TENM2: variants seen among roughly 807,000 people sequenced by gnomAD.
TENM2 encodes teneurin transmembrane protein 2.
Under a neutral mutation model 245.2 loss-of-function variants are expected in TENM2, and 52 were observed. The ratio of observed to expected loss-of-function variants is 0.21; its 90% CI spans 0.17 to 0.27. The LOEUF (loss-of-function observed/expected upper bound fraction) is 0.27, where lower values mean the gene tolerates loss of function less well. TENM2 is among the 10% of genes least tolerant of loss of function. The pLI is 1.00. For missense variants in TENM2, 3,046 were observed against 3,666.8 expected (o/e 0.83, Z 4.37); for synonymous variants, 1,363 against 1,438.9 (o/e 0.95, Z 1.19).
At chr5:167,132,335 A>G in the TENM2 span, among the ~76,000 whole-genome samples, 2 of 152,122 alleles carry the variant, frequency 1.3e-5, no homozygotes, top group Admixed American at 6.5e-5. Context: ...CTCCATCACC[A>G]TGCAACATTT....
chr5:168,134,817 G>A (rs990890390), intron 12 of TENM2, among the ~76,000 whole-genome samples: 7 of 152,206 alleles, frequency 4.6e-5, no homozygotes, highest in Non-Finnish European at 1.0e-4. Flanking sequence ...AACAAAGGTT[G>A]TTCAGCAACC....
chr5:167,265,265 G>C, the TENM2 span, among the ~76,000 whole-genome samples: 6 of 147,170 alleles, frequency 4.1e-5, no homozygotes, highest in East Asian at 1.2e-3. Context: ...CCAGGAGGTG[G>C]AGGTTTCAGT....
intron 2 of TENM2, among the ~76,000 whole-genome samples, chr5:167,425,758 C>A (rs74430436): frequency 0.017 from 2,638 of 152,058 alleles, 63 homozygotes; most frequent in African/African-American, 0.057. Flanking sequence ...GCTGCTGCTG[C>A]TGCTGATGAT....
chr5:167,523,568 G>A (rs1404305311), intron 2 of TENM2, among the ~76,000 whole-genome samples: 1 of 152,042 alleles, frequency 6.6e-6, no homozygotes, highest in Non-Finnish European at 1.5e-5. Context: ...GATATTTGGT[G>A]TTCGCTCATT....
At chr5:167,816,823 C>A (rs1393270653) in intron 2 of TENM2, among the ~76,000 whole-genome samples, 1 of 143,954 alleles carries the variant, frequency 6.9e-6, no homozygotes, top group Non-Finnish European at 1.6e-5. Context: ...CAGAATGACC[C>A]GGGTGAAGTA....
At chr5:167,485,988 G>A (rs547707380) in intron 2 of TENM2, among the ~76,000 whole-genome samples, 34 of 151,928 alleles carry the variant, frequency 2.2e-4, no homozygotes, top group Admixed American at 1.3e-3. Context: ...CCACATGTTC[G>A]TATTAGAACT....
chr5:167,112,503 A>G, the TENM2 span, among the ~76,000 whole-genome samples: 1 of 152,212 alleles, frequency 6.6e-6, no homozygotes, highest in Non-Finnish European at 1.5e-5. Flanking sequence ...AATTGTCTTG[A>G]GAATAAGTTG....
rs1763901989 is a variant in TENM2, at chr5:167,427,470, G to C, written c.502+51997G>C. 2.0e-5 allele frequency among the ~76,000 whole-genome samples: 3 copies of C among 150,448 alleles called. No homozygotes were observed. In the South Asian group the frequency reaches 6.4e-4, roughly 32 times the overall value. On this transcript the variant is annotated intron_variant, in intron 2 of 28. Coordinates refer to ENST00000518659, the Ensembl canonical transcript of TENM2. ...CATCTCAGGAAAAAAAGAAAGGAAG[G>C]AAGGGAAGGAAGGGAAGCAAGGGGA...
chr5:167,741,181 G>A (rs977816500), intron 2 of TENM2, among the ~76,000 whole-genome samples: 1 of 152,124 alleles, frequency 6.6e-6, no homozygotes, highest in Non-Finnish European at 1.5e-5. Flanking sequence ...TTTCCACTGT[G>A]AAATTCTTTC....
At chr5:167,316,938 A>C (rs773658041) in intron 1 of TENM2, among the ~76,000 whole-genome samples, 14 of 152,204 alleles carry the variant, frequency 9.2e-5, no homozygotes, top group Non-Finnish European at 1.9e-4. Context: ...AAGAGCACAC[A>C]GTCAACAATG....
chr5:168,149,372 T>A (rs1363634161), intron 12 of TENM2: 1 of 456,908 alleles, frequency 2.2e-6, no homozygotes, highest in Non-Finnish European at 4.4e-6. Context: ...TTCAGCAACC[T>A]CATCTGCCTG....
At chr5:167,774,214 GAGGAAGGAAGGA>G (rs200752272) in intron 2 of TENM2, among the ~76,000 whole-genome samples, 2 of 111,326 alleles carry the variant, frequency 1.8e-5, no homozygotes, top group Non-Finnish European at 3.4e-5. Context: ...GGGAGGGAGG[GAGGAAGGAAGGA>G]AGGAAGGAAG....
intron 2 of TENM2, among the ~76,000 whole-genome samples, chr5:167,824,463 T>A (rs1767795228): frequency 6.6e-6 from 1 of 152,056 alleles, no homozygotes; most frequent in Non-Finnish European, 1.5e-5. Context: ...ACAAGCTTCA[T>A]AGATGCAGTT....
chr5:167,677,481 AG>A (rs897968587), intron 2 of TENM2, among the ~76,000 whole-genome samples: 5 of 151,698 alleles, frequency 3.3e-5, no homozygotes, highest in African/African-American at 7.3e-5. Flanking sequence ...TCAGAGCAAA[AG>A]GTTTGCTGTG....
At chr5:167,632,290 A>G (rs1028321452) in intron 2 of TENM2, among the ~76,000 whole-genome samples, 1 of 152,208 alleles carries the variant, frequency 6.6e-6, no homozygotes, top group Non-Finnish European at 1.5e-5. Flanking sequence ...AGCATCTTGG[A>G]TCCAAATATA....
At chr5:167,266,849 G>A in the TENM2 span, among the ~76,000 whole-genome samples, 1 of 152,186 alleles carries the variant, frequency 6.6e-6, no homozygotes, top group African/African-American at 2.4e-5. Flanking sequence ...TTCATGAAAT[G>A]TGAATGTGCC....
intron 2 of TENM2, among the ~76,000 whole-genome samples, chr5:167,578,222 A>G (rs1774844947): frequency 6.6e-6 from 1 of 152,202 alleles, no homozygotes; most frequent in Non-Finnish European, 1.5e-5. Flanking sequence ...GTCTGTCTAC[A>G]GGGCATCTAT....
chr5:167,997,653 C>A (rs930717312), intron 5 of TENM2, among the ~76,000 whole-genome samples: 6 of 152,040 alleles, frequency 3.9e-5, no homozygotes, highest in Non-Finnish European at 7.4e-5. Flanking sequence ...TTTAATTATG[C>A]CCCCTGGTTT....
chr5:167,166,177 C>A, the TENM2 span, among the ~76,000 whole-genome samples: 1 of 152,120 alleles, frequency 6.6e-6, no homozygotes, highest in East Asian at 1.9e-4. Context: ...ACAGGCCAGG[C>A]TTATGTTTAT....
Sources: allele counts gnomAD v4.1 joint callset (sites outside exome capture counted in the v4.1 genomes callset), GRCh38; gene constraint gnomAD v4.1.1; transcripts MANE v1.5; gene names NCBI Gene and HGNC (gene_info 2026-07-23, HGNC 2026-07-21).